FARS2: variants seen among roughly 807,000 people sequenced by gnomAD.
The protein encoded by FARS2 is phenylalanyl-tRNA synthetase 2, mitochondrial, also known as phenylalanine--tRNA ligase, mitochondrial.
A neutral mutation model predicts 46.4 loss-of-function variants in FARS2; 40 were observed. The observed-to-expected ratio is 0.86, with a 90% CI of 0.67 to 1.12. The LOEUF is 1.12. Among genes scored for constraint, FARS2 ranks in the 50% most tolerant of loss-of-function variants. The pLI, the probability that FARS2 is intolerant of heterozygous loss-of-function variation, is 0.00. For missense variants in FARS2, 513 were observed against 567.9 expected, an observed-to-expected ratio of 0.90 and a Z score of 0.98; for synonymous variants, 234 against 214.9, an observed-to-expected ratio of 1.09 and a Z score of -0.78.
intron 4 of FARS2, among the ~76,000 whole-genome samples, chr6:5,484,699 C>T (rs1766672570): frequency 6.6e-6 from 1 of 152,216 alleles, no homozygotes; most frequent in African/African-American, 2.4e-5. Flanking sequence ...ACTCTGCAAG[C>T]CCCAGAAGGT....
At chr6:5,735,961 T>C (rs1329190935) in intron 6 of FARS2, among the ~76,000 whole-genome samples, 1 of 152,178 alleles carries the variant, frequency 6.6e-6, no homozygotes, top group African/African-American at 2.4e-5. Flanking sequence ...GGGAAGGATA[T>C]TAGATGAGTT....
At chr6:5,440,557 G>A (rs911076806) in intron 4 of FARS2, among the ~76,000 whole-genome samples, 2 of 152,168 alleles carry the variant, frequency 1.3e-5, no homozygotes, top group African/African-American at 4.8e-5. Context: ...ATATTCATAG[G>A]CACACTGGAA....
chr6:5,719,396 TAAA>T (rs55695285), intron 6 of FARS2, among the ~76,000 whole-genome samples: 1 of 123,052 alleles, frequency 8.1e-6, no homozygotes, highest in African/African-American at 3.1e-5. Context: ...CAAAAAAAAT[TAAA>T]AAAAAAAAAA....
At chr6:5,554,592 A>C (rs561190220) in intron 5 of FARS2, among the ~76,000 whole-genome samples, 19 of 152,320 alleles carry the variant, frequency 1.2e-4, no homozygotes, top group Admixed American at 2.0e-4. Context: ...TCACCTGTAC[A>C]TTAATTTGTT....
chr6:5,350,285 G>A (rs563929113), intron 1 of FARS2, among the ~76,000 whole-genome samples: 9 of 151,564 alleles, frequency 5.9e-5, no homozygotes, highest in Non-Finnish European at 1.3e-4. Context: ...TGGGGTTATA[G>A]GCATGAGCTA....
chr6:5,578,378 A>C (rs1191103523), intron 5 of FARS2, among the ~76,000 whole-genome samples: 2 of 152,160 alleles, frequency 1.3e-5, no homozygotes, highest in African/African-American at 4.8e-5. Flanking sequence ...TCCTCTTCAC[A>C]GTACCCAGCT....
intron 6 of FARS2, among the ~76,000 whole-genome samples, chr6:5,661,042 G>A (rs1350131534): frequency 2.6e-5 from 4 of 152,256 alleles, no homozygotes; most frequent in African/African-American, 9.6e-5. Flanking sequence ...ACCAGCGGGA[G>A]GCTACAGCAC....
chr6:5,717,471 T>G (rs1376764374), intron 6 of FARS2, among the ~76,000 whole-genome samples: 1 of 151,982 alleles, frequency 6.6e-6, no homozygotes, highest in Non-Finnish European at 1.5e-5. Flanking sequence ...CTGTGCAGTT[T>G]CCCATGTTTG....
chr6:5,667,905 C>G (rs546935932), intron 6 of FARS2: 1 of 152,248 alleles, frequency 6.6e-6, no homozygotes, highest in African/African-American at 2.4e-5. Context: ...GTGATCGACT[C>G]TTAGAGCAAG....
At chr6:5,407,426 C>T (rs1369864354) in intron 3 of FARS2, among the ~76,000 whole-genome samples, 2 of 152,042 alleles carry the variant, frequency 1.3e-5, no homozygotes, top group African/African-American at 4.8e-5. Context: ...TCTTGACTGC[C>T]ATATTGCCAA....
Position 5,771,407 on chromosome 6 carries a change from T to C in FARS2, c.1334T>C (p.Leu445Ser). The change falls in exon 7 of 7, where the codon TTG becomes TCG. Residue 445 changes from leucine (L) to serine (S), a missense_variant. Transcript: ENST00000274680. ...QALQEAAVQLLGVEGRF is the reference protein window; with the variant it reads ...QALQEAAVQLSGVEGRF ...TTGCAGGAGGCTGCAGTCCAGCTGT[T>C]GGGTGTGGAGGGCAGGTTCTGATGT... 1.2e-6 allele frequency: 2 copies of C among 1,614,118 alleles called. No individual in the cohort carries two copies. The highest frequency in any genetic ancestry group is 1.7e-6 in the Non-Finnish European group (2 of 1,179,998).
At chr6:5,695,837 A>G (rs1758071682) in intron 6 of FARS2, among the ~76,000 whole-genome samples, 1 of 152,236 alleles carries the variant, frequency 6.6e-6, no homozygotes, top group South Asian at 2.1e-4. Context: ...AGGAATGTAT[A>G]ACAAACTAGT....
intron 5 of FARS2, among the ~76,000 whole-genome samples, chr6:5,564,913 C>T (rs1353352712): frequency 1.3e-5 from 2 of 152,178 alleles, no homozygotes; most frequent in Non-Finnish European, 2.9e-5. Flanking sequence ...GAGGCCAGTT[C>T]TTCCTAAGGG....
chr6:5,539,787 G>A (rs1341470821), intron 4 of FARS2, among the ~76,000 whole-genome samples: 6 of 152,104 alleles, frequency 3.9e-5, no homozygotes, highest in Admixed American at 3.9e-4. Flanking sequence ...TTTCAAATGC[G>A]AAAAACTGAA....
At chr6:5,424,465 A>T (rs1172127521) in intron 3 of FARS2, among the ~76,000 whole-genome samples, 1 of 152,318 alleles carries the variant, frequency 6.6e-6, no homozygotes, top group East Asian at 1.9e-4. Flanking sequence ...AAAAGGACTG[A>T]GGGCGTGCTC....
intron 6 of FARS2, among the ~76,000 whole-genome samples, chr6:5,669,285 A>G (rs1015957186): frequency 4.6e-5 from 7 of 152,126 alleles, no homozygotes; most frequent in Non-Finnish European, 8.8e-5. Context: ...GATTCCATCA[A>G]CAGATCCTGA....
At chr6:5,490,337 G>A (rs535002833) in intron 4 of FARS2, among the ~76,000 whole-genome samples, 4 of 152,294 alleles carry the variant, frequency 2.6e-5, no homozygotes, top group South Asian at 2.1e-4. Context: ...GGGCTGTTGT[G>A]TATTAATGCT....
chr6:5,534,556 T>C (rs564413279), intron 4 of FARS2, among the ~76,000 whole-genome samples: 2 of 152,358 alleles, frequency 1.3e-5, no homozygotes, highest in South Asian at 4.1e-4. Context: ...CTGTTGTTTT[T>C]GAGGTTCATC....
At chr6:5,406,377 A>G (rs571992733) in intron 3 of FARS2, among the ~76,000 whole-genome samples, 5 of 152,308 alleles carry the variant, frequency 3.3e-5, no homozygotes, top group African/African-American at 1.2e-4. Flanking sequence ...GAATCAATAC[A>G]TGAACATCTT....
Sources: allele counts gnomAD v4.1 joint callset (sites outside exome capture counted in the v4.1 genomes callset), GRCh38; gene constraint gnomAD v4.1.1; transcripts MANE v1.5; gene names NCBI Gene and HGNC (gene_info 2026-07-23, HGNC 2026-07-21).